The following ELK3 variants were observed in gnomAD, a reference collection of about 807,000 sequenced individuals.
The protein encoded by ELK3 is ETS transcription factor ELK3, also known as ETS domain-containing protein Elk-3.
ELK3 carries 10 observed loss-of-function variants against 28.9 expected under a neutral mutation model. The observed-to-expected ratio is 0.35, with a 90% CI of 0.21 to 0.59. The LOEUF is 0.59. Among genes scored for constraint, ELK3 ranks in the 20% least tolerant of loss-of-function variants. The probability of loss-of-function intolerance (pLI) is 0.82; values close to 1 mark genes in which losing one functional copy is unlikely to be tolerated. For missense variants in ELK3, 463 were observed against 517.3 expected, an observed-to-expected ratio of 0.90 and a Z score of 1.02; for synonymous variants, 272 against 243.5, an observed-to-expected ratio of 1.12 and a Z score of -1.09.
chr12:96,204,511 A>G (rs568997750), intron 1 of ELK3, among the ~76,000 whole-genome samples: 18 of 152,224 alleles, frequency 1.2e-4, no homozygotes, highest in Admixed American at 6.5e-5. Context: ...TGATAGGTCA[A>G]ACCTTGACTA....
At chr12:96,196,681 CCT>C (rs201426386) in intron 1 of ELK3, among the ~76,000 whole-genome samples, 2,050 of 151,856 alleles carry the variant, frequency 0.013, 42 homozygotes, top group Admixed American at 0.056. Flanking sequence ...TAGAAACCCC[CCT>C]GAGTTTGAAA....
rs959302686 is a variant in ELK3 at position 96,259,789 on chromosome 12, G to A, written c.1061G>A (p.Ser354Asn). The change falls in exon 4 of 5, where the codon AGC becomes AAC. Residue 354 changes from serine (S) to asparagine (N), a missense_variant. By Grantham distance (46) the Ser-to-Asn change is conservative (BLOSUM62 1). Transcript: ENST00000228741. The part of the protein sequence containing the change: ...SPLLSSIHFW[S>N]SLSPVAPLSP... ...CTGCTCTCCAGCATACATTTCTGGAGCAGCCTTAGTCCAGTTGCTCCGCTG... is the reference window on the plus strand; with the variant it reads ...CTGCTCTCCAGCATACATTTCTGGAACAGCCTTAGTCCAGTTGCTCCGCTG... 11 of 1,611,180 alleles carry A rather than the reference G, an allele frequency of 6.8e-6. No individual in the cohort carries two copies. The highest frequency in any genetic ancestry group is 1.3e-5 in the African/African-American group (1 of 74,912).
At chr12:96,229,483 A>G (rs1951725975) in intron 2 of ELK3, among the ~76,000 whole-genome samples, 1 of 142,896 alleles carries the variant, frequency 7.0e-6, no homozygotes, top group Non-Finnish European at 1.5e-5. Context: ...TGCCCCCATC[A>G]TCACATGACG....
intron 2 of ELK3, among the ~76,000 whole-genome samples, chr12:96,241,426 T>TGTGTGTG (rs1951820114): frequency 6.8e-6 from 1 of 146,348 alleles, no homozygotes; most frequent in African/African-American, 2.5e-5. Flanking sequence ...AGTGGAGCGT[T>TGTGTGTG]TGTGTGTGTG....
chr12:96,267,038 A>G (rs891438568), intron 4 of ELK3, 44 bp from the exon 5 acceptor site: 1 of 1,547,526 alleles, frequency 6.5e-7, no homozygotes, highest in Non-Finnish European at 8.8e-7. Context: ...GTTCTTCCCA[A>G]TGGATTTGCA....
intron 2 of ELK3, among the ~76,000 whole-genome samples, chr12:96,227,122 A>G (rs764812915): frequency 6.6e-6 from 1 of 152,064 alleles, no homozygotes. Context: ...TGTGGATGCA[A>G]AGCCACCTGG....
intron 2 of ELK3, among the ~76,000 whole-genome samples, chr12:96,236,780 C>T (rs1951787443): frequency 6.6e-6 from 1 of 152,216 alleles, no homozygotes; most frequent in Non-Finnish European, 1.5e-5. Context: ...CCCAGGGCTG[C>T]TGTAACAAAT....
chr12:96,247,374 G>A lies in ELK3; in HGVS notation c.642G>A (p.Leu214=). ...TSEAAAASAF[L]ASSVSAKISS... is the part of the protein sequence containing the mutation. ...AGGCTGCGGCGGCGTCCGCCTTCCTGGCCTCGTCCGTCTCGGCCAAGATCT... is the reference window on the plus strand; with the variant it reads ...AGGCTGCGGCGGCGTCCGCCTTCCTAGCCTCGTCCGTCTCGGCCAAGATCT... The change falls in exon 3 of 5, where the codon CTG becomes CTA. Residue 214 remains leucine (L), a synonymous_variant. Coordinates refer to ENST00000228741, the MANE Select transcript of ELK3 (RefSeq NM_005230.4). This position sits in a 1 kb window ranked among gnomAD's most constrained non-coding sequence, Gnocchi z 5.5. 6.2e-7 allele frequency: 1 copy of A among 1,614,152 alleles called. No individual in the cohort carries two copies. Among genetic ancestry groups the A allele is most frequent in the South Asian group, 1.1e-5 (1 of 91,078 alleles).
intron 1 of ELK3, among the ~76,000 whole-genome samples, chr12:96,222,575 G>A (rs568791288): frequency 6.6e-6 from 1 of 152,278 alleles, no homozygotes; most frequent in Admixed American, 6.5e-5. Context: ...AGCATTGTAT[G>A]GGTTATCAGA....
chr12:96,226,430 C>T (rs371587965), intron 2 of ELK3, among the ~76,000 whole-genome samples: 2 of 152,314 alleles, frequency 1.3e-5, no homozygotes, highest in South Asian at 2.1e-4. Context: ...ACAGATATAC[C>T]TGTCCACATG....
intron 2 of ELK3, among the ~76,000 whole-genome samples, chr12:96,230,812 G>A (rs1375229299): frequency 6.6e-6 from 1 of 152,208 alleles, no homozygotes; most frequent in Non-Finnish European, 1.5e-5. Flanking sequence ...CGGAGTGCAC[G>A]TGACGCAGGT....
intron 1 of ELK3, among the ~76,000 whole-genome samples, chr12:96,217,387 C>T (rs1951626007): frequency 6.6e-6 from 1 of 152,232 alleles, no homozygotes; most frequent in Admixed American, 6.5e-5. Flanking sequence ...TGAAATAATT[C>T]TCGTCTATAG....
intron 2 of ELK3, among the ~76,000 whole-genome samples, chr12:96,239,297 T>C (rs901105956): frequency 2.0e-5 from 3 of 152,170 alleles, no homozygotes; most frequent in African/African-American, 7.2e-5. Context: ...TTTAAAATAA[T>C]GGAATTATTC....
chr12:96,260,378 T>G (rs1332826920), intron 4 of ELK3, among the ~76,000 whole-genome samples: 1 of 152,208 alleles, frequency 6.6e-6, no homozygotes, highest in Non-Finnish European at 1.5e-5. Context: ...TTGTTTGACA[T>G]AAAGTGAAAA....
At chr12:96,224,575 A>G (rs192562858) in intron 2 of ELK3, among the ~76,000 whole-genome samples, 5 of 152,362 alleles carry the variant, frequency 3.3e-5, no homozygotes, top group African/African-American at 1.2e-4. Flanking sequence ...GAGTGCCTTG[A>G]TAAGTGATAA....
chr12:96,247,145 T>A lies in ELK3; in HGVS notation c.413T>A (p.Ile138Asn). The A allele has an allele frequency of 6.2e-7, 1 of 1,613,948 alleles. No individual in the cohort carries two copies. Among genetic ancestry groups the A allele is most frequent in the Non-Finnish European group, 8.5e-7 (1 of 1,179,928 alleles). ...AGAAGCACGAGCCGCAACGAATACA[T>A]CCACTCAGGCCTGTACTCGTCCTTC... ...ALRSTSRNEY[I>N]HSGLYSSFTI... Residue 138 changes from isoleucine (I) to asparagine (N), a missense_variant, in exon 3 of 5, where the codon ATC becomes AAC. Physicochemically the swap from Ile to Asn is moderately radical, Grantham distance 149. Around this residue, in one of 2 missense-constraint regions of ELK3, gnomAD observed 408 missense variants for 414.8 expected, o/e 0.98. Transcript: ENST00000228741. The surrounding 1 kb of genome is among the most constrained non-coding windows in gnomAD (Gnocchi z 5.5).
intron 1 of ELK3, among the ~76,000 whole-genome samples, chr12:96,219,933 G>GGGCGAGGCTGGGCATGCCTCAGACA (rs1333814002): frequency 6.6e-6 from 1 of 152,156 alleles, no homozygotes; most frequent in Non-Finnish European, 1.5e-5. Context: ...CCTCAGCACG[G>GGGCGAGGCTGGGCATGCCTCAGACA]GGCGAGGCTG....
chr12:96,267,140 C>T lies in ELK3; in HGVS notation c.1184C>T (p.Ala395Val). 6.2e-7 allele frequency: 1 copy of T among 1,613,528 alleles called. No individual in the cohort carries two copies. Among genetic ancestry groups the T allele is most frequent in the Non-Finnish European group, 8.5e-7 (1 of 1,179,772 alleles). Residue 395 changes from alanine to valine, a missense_variant, in exon 5 of 5, where the codon GCT (alanine) becomes GTT (valine). By Grantham distance (64) the Ala-to-Val change is moderately conservative. This residue lies in a region of ELK3 where 408 missense variants were observed against 414.8 expected (regional missense o/e 0.98). Coordinates refer to ENST00000228741, the MANE Select transcript of ELK3 (RefSeq NM_005230.4). ...CCAATCCCCAGTCTGGACAGAGCTG[C>T]TTCTCCAGTACTGCTTTCTTCAAAC... is the stretch of plus-strand genomic sequence containing the variant. ...PVPIPSLDRA[A>V]SPVLLSSNSQ...
intron 1 of ELK3, among the ~76,000 whole-genome samples, chr12:96,206,323 ATTT>A (rs1188781659): frequency 2.0e-5 from 3 of 147,076 alleles, no homozygotes; most frequent in Non-Finnish European, 4.5e-5. Context: ...TTATTTATTT[ATTT>A]TTTTTTTTGA....
Sources: gnomAD v4.1 joint callset for allele counts (sites outside exome capture counted in the v4.1 genomes callset) on GRCh38, gnomAD v4.1.1 for gene constraint, gnomAD v4.1.1 regional missense constraint, Gnocchi (gnomAD v3.1) non-coding constraint, MANE v1.5 for transcripts, NCBI Gene and HGNC (gene_info 2026-07-23, HGNC 2026-07-21) for gene names.